PMEPA1: variants seen among roughly 807,000 people sequenced by gnomAD.
The protein encoded by PMEPA1 is prostate transmembrane protein, androgen induced 1.
Under a neutral mutation model 23.0 loss-of-function variants are expected in PMEPA1, and 11 were observed. The observed-to-expected ratio is 0.48, with a 90% confidence interval of 0.30 to 0.79. The LOEUF (loss-of-function observed/expected upper bound fraction) is 0.79, where lower values mean the gene tolerates loss of function less well. Among genes scored for constraint, PMEPA1 ranks in the 30% least tolerant of loss-of-function variants. The probability of loss-of-function intolerance (pLI) is 0.06; values close to 1 mark genes in which losing one functional copy is unlikely to be tolerated. For missense variants in PMEPA1, 377 were observed against 390.9 expected (o/e 0.96, Z 0.30); for synonymous variants, 204 against 166.4 (o/e 1.23, Z -1.74).
At chr20:57,684,556 C>T (rs548368802) in intron 1 of PMEPA1, among the ~76,000 whole-genome samples, 5 of 152,282 alleles carry the variant, frequency 3.3e-5, no homozygotes, top group South Asian at 2.1e-4. Flanking sequence ...GCCTCTGCAC[C>T]GGTTCCTGTT....
intron 1 of PMEPA1, among the ~76,000 whole-genome samples, chr20:57,660,997 T>C (rs1483131431): frequency 3.3e-5 from 5 of 151,894 alleles, no homozygotes; most frequent in Non-Finnish European, 7.4e-5. Flanking sequence ...CACACATCCA[T>C]CCCAGGACTC....
At chr20:57,687,328 A>G (rs1233812645) in intron 1 of PMEPA1, among the ~76,000 whole-genome samples, 1 of 152,238 alleles carries the variant, frequency 6.6e-6, no homozygotes, top group Admixed American at 6.5e-5. Flanking sequence ...GTGACCCAGA[A>G]GCCACTGACT....
intron 1 of PMEPA1, among the ~76,000 whole-genome samples, chr20:57,689,069 G>A (rs369837688): frequency 2.6e-5 from 4 of 152,366 alleles, no homozygotes; most frequent in Non-Finnish European, 4.4e-5. Context: ...AGCTCTGGGC[G>A]CATGGGCCCG....
chr20:57,684,269 TGG>T (rs911345645), intron 1 of PMEPA1, among the ~76,000 whole-genome samples: 2 of 137,838 alleles, frequency 1.5e-5, no homozygotes, highest in African/African-American at 5.5e-5. Flanking sequence ...TTTTCACGGG[TGG>T]GGGTCGGGGA....
intron 1 of PMEPA1, chr20:57,700,136 T>G (rs1238134189): frequency 2.1e-6 from 1 of 471,450 alleles, no homozygotes; most frequent in East Asian, 7.0e-5. Context: ...CAGCAGAGAC[T>G]CTTCCACTCC....
chr20:57,656,606 C>G lies in PMEPA1; in HGVS notation c.264+2937G>C, dbSNP rs113348016. On this transcript the variant is annotated intron_variant, in intron 2 of 3. Coordinates refer to ENST00000341744, the MANE Select transcript of PMEPA1 (RefSeq NM_020182.5). This position sits in a 1 kb window ranked among gnomAD's most constrained non-coding sequence, Gnocchi z 4.7. ...CCAGGGTGGAAGTGCCATCCCTGGTCGAGGGGCTTGCCTGCACTGGAGCCT... is the reference window on the plus strand; with the variant it reads ...CCAGGGTGGAAGTGCCATCCCTGGTGGAGGGGCTTGCCTGCACTGGAGCCT... Among the ~76,000 whole-genome samples, 102 of 152,238 alleles carry G rather than the reference C, an allele frequency of 6.7e-4. No homozygotes were observed. Among genetic ancestry groups the G allele is most frequent in the African/African-American group, 2.3e-3 (94 of 41,556 alleles).
chr20:57,694,531 T>C lies in PMEPA1; in HGVS notation c.109+14943A>G, dbSNP rs141403713. The stretch of plus-strand genomic sequence containing the variant: ...CTACCGTTTGCTTCGGGTTTATAGA[T>C]TTCTTGGAACTGACATGGGAGGGTG... On this transcript the variant is annotated intron_variant, in intron 1 of 3. Transcript: ENST00000341744. Among the ~76,000 whole-genome samples the C allele has an allele frequency of 3.6e-3, 542 of 152,356 alleles. 5 individuals are homozygous for C. The highest frequency in any genetic ancestry group is 0.014 in the Middle Eastern group (4 of 294).
chr20:57,673,598 C>CATCTTCTTTCTAAG (rs2071598735), intron 1 of PMEPA1, among the ~76,000 whole-genome samples: 1 of 152,188 alleles, frequency 6.6e-6, no homozygotes, highest in Non-Finnish European at 1.5e-5. Context: ...CTGCCACATC[C>CATCTTCTTTCTAAG]TGCATAGTAG....
chr20:57,672,227 ATG>A (rs1166574376), intron 1 of PMEPA1, among the ~76,000 whole-genome samples: 2 of 152,256 alleles, frequency 1.3e-5, no homozygotes, highest in African/African-American at 2.4e-5. Context: ...ATGCACTCAC[ATG>A]TGTGTTTCCA....
chr20:57,653,037 G>A lies in PMEPA1; in HGVS notation c.314C>T (p.Pro105Leu), dbSNP rs2071275603. 1.3e-6 allele frequency: 2 copies of A among 1,595,894 alleles called. No individual in the cohort carries two copies. Among genetic ancestry groups the A allele is most frequent in the East Asian group, 4.5e-5 (2 of 44,138 alleles). Residue 105 changes from proline to leucine, a missense_variant, in exon 3 of 4, where the codon CCA becomes CTA. Around this residue, in one of 3 missense-constraint regions of PMEPA1, gnomAD observed 198 missense variants for 196.3 expected, o/e 1.01. Coordinates refer to ENST00000341744, the MANE Select transcript of PMEPA1 (RefSeq NM_020182.5). ...GGAGGCCGAGGGAGGTCTCACCTCT[G>A]GGATTCCGTTGCCTGACACTGTGCT... is the stretch of plus-strand genomic sequence containing the variant. ...SESTVSGNGI[P>L]EPQVYAPPRP...
intron 1 of PMEPA1, among the ~76,000 whole-genome samples, chr20:57,706,646 TC>T (rs2072093990): frequency 6.6e-6 from 1 of 151,944 alleles, no homozygotes. Context: ...TCTGACAATT[TC>T]CCCCAGCCCC....
chr20:57,709,447 C>T (rs771977160), intron 1 of PMEPA1, 27 bp downstream of exon 1: 7 of 1,092,866 alleles, frequency 6.4e-6, no homozygotes, highest in Non-Finnish European at 7.9e-6. Flanking sequence ...ATGGAGTCTC[C>T]GGGGAGGGGG....
rs78421843 is a variant in PMEPA1, at chr20:57,656,371, G to A, written c.264+3172C>T. 4.3e-3 allele frequency among the ~76,000 whole-genome samples: 646 copies of A among 151,586 alleles called. 6 individuals carry two copies. Among genetic ancestry groups the A allele is most frequent in the African/African-American group, 0.014 (579 of 41,420 alleles). On this transcript the variant is annotated intron_variant, in intron 2 of 3. Transcript: ENST00000341744. The surrounding 1 kb of genome is among the most constrained non-coding windows in gnomAD (Gnocchi z 4.7). ...GGCCCTTGGTGGGCTGGGTTCTCTC[G>A]GGAGCAGGAGACCCACACTGAGGAC...
intron 1 of PMEPA1, among the ~76,000 whole-genome samples, chr20:57,670,071 G>A (rs2146664794): frequency 6.6e-6 from 1 of 152,172 alleles, no homozygotes; most frequent in Non-Finnish European, 1.5e-5. Context: ...TACTGCACTG[G>A]GAATGGGTGG....
At chr20:57,693,853 T>G (rs189274701) in intron 1 of PMEPA1, among the ~76,000 whole-genome samples, 2 of 152,178 alleles carry the variant, frequency 1.3e-5, no homozygotes, top group African/African-American at 4.8e-5. Flanking sequence ...GAGGAGGTGT[T>G]GGGTGGTGAC....
rs554861783 is a variant in PMEPA1, at chr20:57,653,261, G to T, written c.265-175C>A. 2.6e-5 allele frequency among the ~76,000 whole-genome samples: 4 copies of T among 152,214 alleles called. No homozygotes were observed. The East Asian group carries it at 7.7e-4, about 29-fold the overall frequency. The stretch of plus-strand genomic sequence containing the variant: ...CTGGCCCTGGGCGCTTTTCCAGGAC[G>T]TGAGCGCAATCACCTCCTCACTGAT... On this transcript the variant is annotated intron_variant, in intron 2 of 3. Coordinates refer to ENST00000341744, the MANE Select transcript of PMEPA1 (RefSeq NM_020182.5).
chr20:57,687,568 C>G (rs945083438), intron 1 of PMEPA1, among the ~76,000 whole-genome samples: 2 of 152,238 alleles, frequency 1.3e-5, no homozygotes, highest in Non-Finnish European at 2.9e-5. Context: ...CTCCCCACTG[C>G]ACCAGGAAGG....
At chr20:57,684,868 T>C (rs947316821) in intron 1 of PMEPA1, among the ~76,000 whole-genome samples, 1 of 145,640 alleles carries the variant, frequency 6.9e-6, no homozygotes, top group East Asian at 2.0e-4. Context: ...GAGGGGGGGG[T>C]CTCTGCCCAC....
At chr20:57,669,202 G>A (rs1028434840) in intron 1 of PMEPA1, among the ~76,000 whole-genome samples, 3 of 149,496 alleles carry the variant, frequency 2.0e-5, no homozygotes, top group East Asian at 3.9e-4. Context: ...TCACTCTGTC[G>A]CCCAGGCTGG....
Sources: gnomAD v4.1 joint callset for allele counts (sites outside exome capture counted in the v4.1 genomes callset) on GRCh38, gnomAD v4.1.1 for gene constraint, gnomAD v4.1.1 regional missense constraint, Gnocchi (gnomAD v3.1) non-coding constraint, MANE v1.5 for transcripts, NCBI Gene and HGNC (gene_info 2026-07-23, HGNC 2026-07-21) for gene names.